Variants in ITGA8 observed in about 807,000 individuals in gnomAD.
The protein encoded by ITGA8 is integrin subunit alpha 8.
Under a neutral mutation model 142.3 loss-of-function variants are expected in ITGA8, and 91 were observed. The ratio of observed to expected loss-of-function variants is 0.64; its 90% confidence interval spans 0.54 to 0.76. ITGA8 has a LOEUF of 0.76. Ranked by LOEUF, ITGA8 falls within the 30% of genes least tolerant of loss-of-function variation. The pLI is 0.00. For missense variants in ITGA8, 1,406 were observed against 1,327.7 expected, an observed-to-expected ratio of 1.06 and a Z score of -0.92; for synonymous variants, 505 against 485.2, an observed-to-expected ratio of 1.04 and a Z score of -0.54.
chr10:15,652,870 G>A (rs1159329990), intron 11 of ITGA8, among the ~76,000 whole-genome samples: 1 of 152,176 alleles, frequency 6.6e-6, no homozygotes, highest in Non-Finnish European at 1.5e-5. Context: ...AGAAGGCTCT[G>A]TGACCATCTA....
chr10:15,521,473 A>G (rs1374726901), intron 28 of ITGA8, among the ~76,000 whole-genome samples: 1 of 152,144 alleles, frequency 6.6e-6, no homozygotes, highest in Non-Finnish European at 1.5e-5. Flanking sequence ...CCCAAATGTC[A>G]TTTATATGTA....
At chr10:15,589,493 T>C (rs1423563484) in intron 22 of ITGA8, among the ~76,000 whole-genome samples, 2 of 152,190 alleles carry the variant, frequency 1.3e-5, no homozygotes, top group Admixed American at 1.3e-4. Flanking sequence ...TTTATTAACA[T>C]ATAAAGCCCA....
At chr10:15,699,682 C>A (rs185162915) in intron 2 of ITGA8, among the ~76,000 whole-genome samples, 1 of 152,312 alleles carries the variant, frequency 6.6e-6, no homozygotes, top group African/African-American at 2.4e-5. Context: ...TTCTCTCCAG[C>A]ACCCAAACTA....
chr10:15,702,687 A>G (rs748420779), intron 2 of ITGA8, among the ~76,000 whole-genome samples: 2 of 152,162 alleles, frequency 1.3e-5, no homozygotes, highest in Non-Finnish European at 2.9e-5. Context: ...GTTGAGTCTC[A>G]TTCCATGGCC....
intron 26 of ITGA8, among the ~76,000 whole-genome samples, chr10:15,552,117 A>C (rs1440788618): frequency 6.6e-6 from 1 of 152,062 alleles, no homozygotes; most frequent in Non-Finnish European, 1.5e-5. Context: ...AAATTAAAAA[A>C]CATACTTGAA....
In ITGA8 at chr10:15,517,042, C is replaced by CGAAT; in HGVS notation, c.*115_*116insATTC. On this transcript the variant is annotated 3_prime_UTR_variant, in exon 30 of 30. Coordinates refer to ENST00000378076, the MANE Select transcript of ITGA8 (RefSeq NM_003638.3). ...TGAGGTGATGTTTCCAGGGTCCCCT[C>CGAAT]CATTTCCTGGGTCACTGTCAGGTAT... 1.8e-6 allele frequency: 1 copy of CGAAT among 564,248 alleles called. No homozygotes were observed. The allele number at this position is 564,248 out of a possible 1,614,324, so 35.0% of individuals were successfully genotyped here. A position where few individuals can be genotyped will look rare whatever the true frequency, so the allele number is the denominator to read the frequency against.
At chr10:15,669,629 C>G (rs940018241) in intron 8 of ITGA8, among the ~76,000 whole-genome samples, 2 of 152,072 alleles carry the variant, frequency 1.3e-5, no homozygotes, top group African/African-American at 4.8e-5. Flanking sequence ...CTGTTTTTTT[C>G]CCATCTTTGT....
chr10:15,645,092 CAAAAAAAAAA>C (rs1168510743), intron 12 of ITGA8, among the ~76,000 whole-genome samples: 3 of 46,790 alleles, frequency 6.4e-5, no homozygotes, highest in African/African-American at 8.4e-5. Flanking sequence ...GACTCTGTCT[CAAAAAAAAAA>C]AAAAAAAAAA....
chr10:15,569,259 C>A (rs905244310), intron 25 of ITGA8, among the ~76,000 whole-genome samples: 1 of 152,140 alleles, frequency 6.6e-6, no homozygotes, highest in African/African-American at 2.4e-5. Context: ...GGAGAGAGCG[C>A]CTCTCTTACA....
chr10:15,701,835 A>G (rs1835170809), intron 2 of ITGA8, among the ~76,000 whole-genome samples: 7 of 152,318 alleles, frequency 4.6e-5, no homozygotes, highest in Admixed American at 4.6e-4. Flanking sequence ...GACCTTTTTA[A>G]TCATGAAAAG....
chr10:15,565,453 A>G (rs1244825187), intron 25 of ITGA8, among the ~76,000 whole-genome samples: 1 of 152,098 alleles, frequency 6.6e-6, no homozygotes, highest in African/African-American at 2.4e-5. Flanking sequence ...CCATCAAATA[A>G]TGCTTCAGCT....
chr10:15,565,694 A>T (rs1462029421), intron 25 of ITGA8, among the ~76,000 whole-genome samples: 1 of 140,664 alleles, frequency 7.1e-6, no homozygotes, highest in Non-Finnish European at 1.5e-5. Flanking sequence ...GGTTCAAGCG[A>T]TTCTCCTGCC....
intron 8 of ITGA8, among the ~76,000 whole-genome samples, chr10:15,666,116 C>T (rs1217520135): frequency 6.6e-6 from 1 of 152,158 alleles, no homozygotes; most frequent in Non-Finnish European, 1.5e-5. Flanking sequence ...GGCAGTATGG[C>T]CATTTTCAAA....
Position 15,707,654 on chromosome 10 carries a change from T to C in ITGA8, c.343+11112A>G, listed in dbSNP as rs979303601. On this transcript the variant is annotated intron_variant, in intron 2 of 29. Coordinates refer to ENST00000378076, the MANE Select transcript of ITGA8 (RefSeq NM_003638.3). ...CCTGGCCAACATGGTGAAATCCCGT[T>C]TCTACTAAAAATACAAAAATTAGCC... Among the ~76,000 whole-genome samples, 4 of 151,622 alleles carry C rather than the reference T, an allele frequency of 2.6e-5. No individual in the cohort carries two copies. The East Asian group carries it at 5.8e-4, about 22-fold the overall frequency.
intron 23 of ITGA8, among the ~76,000 whole-genome samples, chr10:15,576,123 G>A (rs1834291608): frequency 6.6e-6 from 1 of 152,138 alleles, no homozygotes; most frequent in Admixed American, 6.6e-5. Context: ...GCATCAGAGT[G>A]GAAGAGTGGT....
rs1832982182 is a variant in ITGA8 at position 15,517,300 on chromosome 10, C to T, written c.3106-56G>A. ...CGTCATTCTGGGAACCTGTGAAACC[C>T]CTCATTCAAAGAATTTTCACTTTAT... On this transcript the variant is annotated intron_variant, in intron 29 of 29. Transcript: ENST00000378076. The T allele has an allele frequency of 4.2e-6, 5 of 1,185,304 alleles. No individual in the cohort carries two copies. The African/African-American group carries it at 4.7e-5, about 11-fold the overall frequency. The allele number at this position is 1,185,304 out of a possible 1,614,324, so 73.4% of individuals were successfully genotyped here.
intron 2 of ITGA8, among the ~76,000 whole-genome samples, chr10:15,713,545 C>A (rs1398292088): frequency 1.3e-5 from 2 of 152,114 alleles, no homozygotes; most frequent in African/African-American, 4.8e-5. Flanking sequence ...CTACATTTTT[C>A]TTTTCTTTGT....
chr10:15,565,157 G>A (rs1226964555), intron 25 of ITGA8, among the ~76,000 whole-genome samples: 3 of 152,290 alleles, frequency 2.0e-5, no homozygotes, highest in South Asian at 4.1e-4. Flanking sequence ...GGATCTTCAG[G>A]CACTCTTAAA....
intron 2 of ITGA8, among the ~76,000 whole-genome samples, chr10:15,696,446 A>C (rs1835053922): frequency 6.6e-6 from 1 of 152,196 alleles, no homozygotes; most frequent in Non-Finnish European, 1.5e-5. Flanking sequence ...CAATAGAAAA[A>C]AATTTCTAAG....
Sources: gnomAD v4.1 joint callset for allele counts (sites outside exome capture counted in the v4.1 genomes callset) on GRCh38, gnomAD v4.1.1 for gene constraint, MANE v1.5 for transcripts, NCBI Gene and HGNC (gene_info 2026-07-23, HGNC 2026-07-21) for gene names.